The following SOD2 variants were observed in gnomAD, a reference collection of about 807,000 sequenced individuals.
The protein encoded by SOD2 is superoxide dismutase 2, also known as superoxide dismutase [Mn], mitochondrial.
In SOD2, 11 loss-of-function variants were observed where a neutral mutation model predicts 27.0. The ratio of observed to expected loss-of-function variants is 0.41; its 90% CI spans 0.26 to 0.67. The LOEUF (loss-of-function observed/expected upper bound fraction) is 0.67. SOD2 is among the 30% of genes least tolerant of loss of function. The pLI is 0.34. For missense variants in SOD2, 250 were observed against 274.5 expected (o/e 0.91, Z 0.63); for synonymous variants, 105 against 103.0 (o/e 1.02, Z -0.12).
intron 1 of SOD2, among the ~76,000 whole-genome samples, chr6:159,717,927 GTATA>G (rs971929694): frequency 7.0e-6 from 1 of 141,856 alleles, no homozygotes; most frequent in African/African-American, 2.6e-5. Flanking sequence ...GTGTGTGTGT[GTATA>G]TGTGTATATA....
In SOD2 at chr6:159,676,861, G is replaced by T. The variant is rs897901565; in HGVS notation, c.*5632C>A. On this transcript the variant is annotated 3_prime_UTR_variant, in exon 5 of 5. Transcript: ENST00000538183. ...TGACCAATATCCCACAGGTGCTCTG[G>T]TAAAATCTCCAAGACCAGGACCCAG... 1 of 152,084 alleles carries T rather than the reference G, an allele frequency of 6.6e-6. No individual in the cohort carries two copies. The highest frequency in any genetic ancestry group is 2.4e-5 in the African/African-American group (1 of 41,402). The allele number at this position is 152,084 out of a possible 1,614,324, so 9.4% of individuals were successfully genotyped here.
upstream of SOD2, among the ~76,000 whole-genome samples, chr6:159,746,522 G>C (rs1208046814): frequency 6.6e-6 from 1 of 152,044 alleles, no homozygotes; most frequent in East Asian, 1.9e-4. Flanking sequence ...TCATCCATTT[G>C]ATCTTTTAAT....
chr6:159,735,883 T>G (rs1282994987), intron 1 of SOD2, among the ~76,000 whole-genome samples: 1 of 152,216 alleles, frequency 6.6e-6, no homozygotes, highest in Non-Finnish European at 1.5e-5. Context: ...TATTACCCTT[T>G]TATAGTCCCT....
At chr6:159,746,922 T>C (rs974679884), upstream of SOD2, among the ~76,000 whole-genome samples, 1 of 152,218 alleles carries the variant, frequency 6.6e-6, no homozygotes, top group African/African-American at 2.4e-5. Flanking sequence ...CAGTCAGTGC[T>C]GTAGACTGTT....
intron 1 of SOD2, chr6:159,736,667 T>C (rs1778937943): frequency 6.2e-6 from 1 of 161,370 alleles, no homozygotes; most frequent in African/African-American, 2.4e-5. Flanking sequence ...ATTATTCTTT[T>C]CCTAGTGTAA....
chr6:159,760,826 CATTCCTTGA>C (rs1780108189), intron 1 of SOD2: 1 of 152,180 alleles, frequency 6.6e-6, no homozygotes, highest in African/African-American at 2.4e-5. Context: ...CCACGGGAGG[CATTCCTTGA>C]ATTCCTTGGA....
At chr6:159,693,115 G>T (rs1227056946) in intron 1 of SOD2, 30 bp downstream of exon 1, 1 of 1,526,878 alleles carries the variant, frequency 6.5e-7, no homozygotes, top group Middle Eastern at 2.2e-4. Context: ...TTCGCCCTTG[G>T]GGCCGTGACC....
chr6:159,762,150 G>A, exon 1 of SOD2: 1 of 1,608,502 alleles, frequency 6.2e-7, no homozygotes, highest in Non-Finnish European at 8.5e-7. Context: ...TAGGTGAGTG[G>A]CCGGCGGGAG....
At chr6:159,728,278 T>TC (rs1778341438), upstream of SOD2, among the ~76,000 whole-genome samples, 1 of 152,228 alleles carries the variant, frequency 6.6e-6, no homozygotes, top group Non-Finnish European at 1.5e-5. Flanking sequence ...GATTTTTTTT[T>TC]CACCGTTTTT....
intron 3 of SOD2, among the ~76,000 whole-genome samples, chr6:159,686,958 G>A (rs1780217694): frequency 1.3e-5 from 2 of 152,138 alleles, no homozygotes; most frequent in South Asian, 4.1e-4. Context: ...TAGCGAACAA[G>A]ACCATCTAGC....
At chr6:159,684,800 A>G (rs1780108773) in intron 4 of SOD2, 54 bp downstream of exon 4, 2 of 1,376,010 alleles carry the variant, frequency 1.5e-6, no homozygotes, top group East Asian at 4.9e-5. Context: ...TTCTAGTTGA[A>G]TGCTTTACAG....
exon 1 of SOD2, chr6:159,745,176 T>C (rs1031316573): frequency 2.6e-5 from 4 of 152,224 alleles, no homozygotes; most frequent in African/African-American, 9.6e-5. Context: ...TAGAAGGTGT[T>C]GATGGTAATA....
chr6:159,709,920 T>C (rs1583035503), intron 1 of SOD2, among the ~76,000 whole-genome samples: 1 of 152,014 alleles, frequency 6.6e-6, no homozygotes, highest in African/African-American at 2.4e-5. Context: ...ATATACACCA[T>C]GGAATACTAT....
intron 1 of SOD2, among the ~76,000 whole-genome samples, chr6:159,700,440 G>T (rs932723768): frequency 1.3e-5 from 2 of 152,076 alleles, no homozygotes; most frequent in Non-Finnish European, 2.9e-5. Flanking sequence ...GGATCACAAG[G>T]TCAGGCGATC....
chr6:159,755,603 G>A lies in SOD2; in HGVS notation c.-336+5434C>T, dbSNP rs1779973704. The A allele has an allele frequency of 5.6e-6, 9 of 1,593,694 alleles. No homozygotes were observed. The East Asian group carries it at 2.0e-4, about 36-fold the overall frequency. ...CTCAAGTGTAAATGTACAGGGTTCA[G>A]TTTTGTAATATTTTTTCAGCAAATT... On this transcript the variant is annotated intron_variant, in intron 1 of 7. Transcript: ENST00000546087.
intron 1 of SOD2, chr6:159,754,969 A>G: frequency 1.4e-6 from 2 of 1,471,380 alleles, no homozygotes; most frequent in Non-Finnish European, 1.8e-6. Flanking sequence ...CAGGCACTAA[A>G]GAAACATTTT....
At chr6:159,730,756 A>C (rs1309164963), upstream of SOD2, 9 of 152,220 alleles carry the variant, frequency 5.9e-5, no homozygotes, top group African/African-American at 2.2e-4. Flanking sequence ...AGTGACTCTG[A>C]GAGTTGACTT....
chr6:159,715,256 C>T (rs1448792477), intron 1 of SOD2, among the ~76,000 whole-genome samples: 1 of 151,768 alleles, frequency 6.6e-6, no homozygotes, highest in African/African-American at 2.4e-5. Flanking sequence ...GGCACTGGGA[C>T]CCAAATGAGT....
At chr6:159,724,616 T>C (rs1349455315) in intron 1 of SOD2, among the ~76,000 whole-genome samples, 1 of 152,022 alleles carries the variant, frequency 6.6e-6, no homozygotes, top group Non-Finnish European at 1.5e-5. Context: ...TCCCAGCATT[T>C]TGGGAGGCTA....
Sources: gnomAD v4.1 joint callset for allele counts (sites outside exome capture counted in the v4.1 genomes callset) on GRCh38, gnomAD v4.1.1 for gene constraint, MANE v1.5 for transcripts, NCBI Gene and HGNC (gene_info 2026-07-23, HGNC 2026-07-21) for gene names.